SLC30A9: variants seen among roughly 807,000 people sequenced by gnomAD.
SLC30A9 encodes the protein solute carrier family 30 member 9, also known as proton-coupled zinc antiporter SLC30A9, mitochondrial.
SLC30A9 carries 58 observed loss-of-function variants against 87.5 expected under a neutral mutation model. The ratio of observed to expected loss-of-function variants is 0.66; its 90% confidence interval spans 0.54 to 0.82. The LOEUF (loss-of-function observed/expected upper bound fraction) is 0.82, where lower values mean the gene tolerates loss of function less well. Among genes scored for constraint, SLC30A9 ranks in the 40% least tolerant of loss-of-function variants. The pLI is 0.00. For missense variants in SLC30A9, 557 were observed against 679.1 expected, an observed-to-expected ratio of 0.82 and a Z score of 2.00; for synonymous variants, 234 against 233.0, an observed-to-expected ratio of 1.00 and a Z score of -0.04.
chr4:42,033,278 C>G (rs1716524988), intron 6 of SLC30A9, among the ~76,000 whole-genome samples: 1 of 151,830 alleles, frequency 6.6e-6, no homozygotes, highest in Admixed American at 6.6e-5. Context: ...CCTTTCCACT[C>G]TAAGTCCTCT....
At chr4:42,061,050 GAA>G (rs1353632130) in intron 10 of SLC30A9, among the ~76,000 whole-genome samples, 1 of 152,014 alleles carries the variant, frequency 6.6e-6, no homozygotes, top group Non-Finnish European at 1.5e-5. Context: ...ACCATCTTAA[GAA>G]AAATTTTTTT....
chr4:42,046,883 G>C (rs1717181748), intron 8 of SLC30A9, among the ~76,000 whole-genome samples: 1 of 152,154 alleles, frequency 6.6e-6, no homozygotes, highest in Non-Finnish European at 1.5e-5. Flanking sequence ...TACCAAAACA[G>C]ATATATAGAC....
intron 2 of SLC30A9, among the ~76,000 whole-genome samples, chr4:42,014,834 T>A (rs778727163): frequency 1.3e-5 from 2 of 152,128 alleles, no homozygotes; most frequent in African/African-American, 2.4e-5. Flanking sequence ...TCTCACTTAT[T>A]TATGGAGCTA....
intron 4 of SLC30A9, among the ~76,000 whole-genome samples, chr4:42,021,724 T>C (rs1019635432): frequency 4.6e-5 from 7 of 152,034 alleles, no homozygotes; most frequent in Admixed American, 3.9e-4. Flanking sequence ...GATATTCTAA[T>C]CCATGTTCTT....
intron 9 of SLC30A9, among the ~76,000 whole-genome samples, chr4:42,058,038 G>T (rs1717691098): frequency 6.7e-6 from 1 of 149,056 alleles, no homozygotes; most frequent in South Asian, 2.1e-4. Flanking sequence ...GGAAGCAGAG[G>T]TTACAGTAAG....
chr4:42,006,683 T>A lies in SLC30A9; in HGVS notation c.274+4903T>A, dbSNP rs534729785. Among the ~76,000 whole-genome samples, 9 of 78,482 alleles carry A rather than the reference T, an allele frequency of 1.1e-4. No individual in the cohort carries two copies. In the South Asian group the frequency reaches 4.8e-3, roughly 42 times the overall value. The allele number at this position is 78,482 out of a possible 152,430, so 51.5% of individuals were successfully genotyped here. A position where few individuals can be genotyped will look rare whatever the true frequency, so the allele number is the denominator to read the frequency against. On this transcript the variant is annotated intron_variant, in intron 2 of 17. Coordinates refer to ENST00000264451, the MANE Select transcript of SLC30A9 (RefSeq NM_006345.4). ...GCCTGGGCAACAGAGTGAGACCCTGTCTCAAAAAAAAAAAAAAAAAAGTAG... is the reference window on the plus strand; with the variant it reads ...GCCTGGGCAACAGAGTGAGACCCTGACTCAAAAAAAAAAAAAAAAAAGTAG...
chr4:42,075,684 T>C lies in SLC30A9; in HGVS notation c.1446T>C (p.Asp482=). 1 of 1,613,714 alleles carries C rather than the reference T, an allele frequency of 6.2e-7. No homozygotes were observed. The highest frequency in any genetic ancestry group is 8.5e-7 in the Non-Finnish European group (1 of 1,179,798). The change falls in exon 16 of 18, where the codon GAT becomes GAC. Residue 482 remains aspartate (D), a synonymous_variant. Coordinates refer to ENST00000264451, the MANE Select transcript of SLC30A9 (RefSeq NM_006345.4). ...VRAIHDVKAT[D]LGLGKVRFKA... Reference sequence around the variant, plus strand: ...CAATTCATGATGTTAAAGCCACAGATCTGGGATTAGGTAAAGTAAGATTTA... The same window carrying C: ...CAATTCATGATGTTAAAGCCACAGACCTGGGATTAGGTAAAGTAAGATTTA...
chr4:42,074,359 T>C (rs1718438816), intron 15 of SLC30A9, among the ~76,000 whole-genome samples: 1 of 152,214 alleles, frequency 6.6e-6, no homozygotes, highest in Admixed American at 6.5e-5. Flanking sequence ...TAAATCTCCA[T>C]GTCCTCAGAA....
chr4:42,052,841 C>T, intron 9 of SLC30A9, among the ~76,000 whole-genome samples: 1 of 152,108 alleles, frequency 6.6e-6, no homozygotes, highest in Non-Finnish European at 1.5e-5. Flanking sequence ...ATAAATAGGA[C>T]ACAGAAACAA....
At chr4:42,069,894 G>T (rs936153989) in intron 14 of SLC30A9, among the ~76,000 whole-genome samples, 8 of 152,118 alleles carry the variant, frequency 5.3e-5, no homozygotes, top group African/African-American at 1.9e-4. Context: ...CTGAAATGAG[G>T]TCTGAGAATT....
chr4:42,051,676 G>A (rs949956661), intron 9 of SLC30A9, among the ~76,000 whole-genome samples: 1 of 152,080 alleles, frequency 6.6e-6, no homozygotes, highest in East Asian at 1.9e-4. Flanking sequence ...ACCTGAATAT[G>A]TAACAGCAGA....
chr4:42,027,073 G>C (rs994128125), intron 6 of SLC30A9, among the ~76,000 whole-genome samples: 5 of 152,142 alleles, frequency 3.3e-5, no homozygotes, highest in Non-Finnish European at 5.9e-5. Flanking sequence ...CGGTGTTACG[G>C]CATCTGTCTT....
At chr4:42,074,124 G>A (rs1039174839) in intron 15 of SLC30A9, among the ~76,000 whole-genome samples, 7 of 151,860 alleles carry the variant, frequency 4.6e-5, no homozygotes, top group African/African-American at 1.5e-4. Flanking sequence ...AAATGATATA[G>A]CCTTTTGCCA....
chr4:42,079,542 C>T (rs1718679627), intron 17 of SLC30A9, among the ~76,000 whole-genome samples: 1 of 151,134 alleles, frequency 6.6e-6, no homozygotes, highest in Non-Finnish European at 1.5e-5. Flanking sequence ...GATCTGCCTG[C>T]CTTGGCCTCC....
intron 1 of SLC30A9, among the ~76,000 whole-genome samples, chr4:41,997,267 C>T (rs1714762416): frequency 6.6e-6 from 1 of 151,888 alleles, no homozygotes; most frequent in Non-Finnish European, 1.5e-5. Context: ...TTGCTTGCTA[C>T]ATGATTAAGG....
chr4:42,022,005 G>A lies in SLC30A9; in HGVS notation c.435-833G>A, dbSNP rs1715973370. Among the ~76,000 whole-genome samples, 2 of 40,872 alleles carry A rather than the reference G, an allele frequency of 4.9e-5. 1 individual carries two copies. Among genetic ancestry groups the A allele is most frequent in the South Asian group, 3.7e-3 (2 of 544 alleles). 26.8% of individuals were successfully genotyped at this position (40,872 alleles called of 152,430 possible). A position where few individuals can be genotyped will look rare whatever the true frequency, so the allele number is the denominator to read the frequency against. ...CTGCGGACTGCAGTGGCACAATCTC[G>A]GCTCACTGCAAGCTCCGCTTCCCGG... is the stretch of plus-strand genomic sequence containing the variant. On this transcript the variant is annotated intron_variant, in intron 4 of 17. Transcript: ENST00000264451.
At chr4:42,025,730 A>G (rs1716162992) in intron 6 of SLC30A9, among the ~76,000 whole-genome samples, 2 of 151,768 alleles carry the variant, frequency 1.3e-5, no homozygotes, top group South Asian at 2.1e-4. Flanking sequence ...CAGTGGCGCA[A>G]TCTCAGCTCA....
intron 2 of SLC30A9, among the ~76,000 whole-genome samples, chr4:42,011,102 A>T (rs974096130): frequency 3.3e-5 from 5 of 152,150 alleles, no homozygotes; most frequent in Non-Finnish European, 7.3e-5. Flanking sequence ...TCATGCTGCT[A>T]TGAGGAAATA....
chr4:42,071,473 C>A (rs1248759655), intron 15 of SLC30A9, among the ~76,000 whole-genome samples: 2 of 151,892 alleles, frequency 1.3e-5, no homozygotes, highest in East Asian at 3.9e-4. Context: ...TATGTTTAAT[C>A]TTGAAAAGTA....
Sources: gnomAD v4.1 joint callset for allele counts (sites outside exome capture counted in the v4.1 genomes callset) on GRCh38, gnomAD v4.1.1 for gene constraint, MANE v1.5 for transcripts, NCBI Gene and HGNC (gene_info 2026-07-23, HGNC 2026-07-21) for gene names.